GALNT12: variants seen among roughly 807,000 people sequenced by gnomAD.
GALNT12 encodes the protein polypeptide N-acetylgalactosaminyltransferase 12.
A neutral mutation model predicts 55.5 loss-of-function variants in GALNT12; 45 were observed. The observed-to-expected ratio is 0.81, with a 90% CI of 0.64 to 1.04. The LOEUF (loss-of-function observed/expected upper bound fraction) is 1.04, where lower values mean the gene tolerates loss of function less well. Ranked by LOEUF, GALNT12 falls within the 50% of genes least tolerant of loss-of-function variation. GALNT12 has a pLI of 0.00. For synonymous variants in GALNT12, 304 were observed against 312.2 expected, an observed-to-expected ratio of 0.97 and a Z score of 0.28; for missense variants, 709 against 754.8, an observed-to-expected ratio of 0.94 and a Z score of 0.71.
At chr9:98,822,473 C>T (rs1176749385) in intron 1 of GALNT12, among the ~76,000 whole-genome samples, 1 of 152,190 alleles carries the variant, frequency 6.6e-6, no homozygotes, top group Non-Finnish European at 1.5e-5. Context: ...CACTGCCAGT[C>T]AGGCCCACTG....
intron 1 of GALNT12, among the ~76,000 whole-genome samples, chr9:98,812,189 C>G (rs1023005170): frequency 6.6e-6 from 1 of 152,120 alleles, no homozygotes; most frequent in Non-Finnish European, 1.5e-5. Context: ...AGAACATGTT[C>G]AATTTCGGTT....
intron 1 of GALNT12, among the ~76,000 whole-genome samples, chr9:98,818,974 C>G (rs1351509084): frequency 6.6e-6 from 1 of 152,090 alleles, no homozygotes; most frequent in African/African-American, 2.4e-5. Flanking sequence ...CAAAATGGCT[C>G]ATTCACGTGG....
intron 8 of GALNT12, chr9:98,844,602 C>A (rs1836371295): frequency 7.2e-6 from 2 of 276,950 alleles, no homozygotes; most frequent in South Asian, 7.4e-5. Context: ...TTATAAATAA[C>A]CCTGCCTCTA....
rs557749484 is a variant in GALNT12 at position 98,818,660 on chromosome 9, A to G, written c.372-4596A>G. ...GTCGGGAACAGTTCCTCAGTCTCTC[A>G]TGGTCTGTTATGACGTTGACATTTT... On this transcript the variant is annotated intron_variant, in intron 1 of 9. Transcript: ENST00000375011. Among the ~76,000 whole-genome samples, 7 of 152,172 alleles carry G rather than the reference A, an allele frequency of 4.6e-5. No homozygotes were observed. The South Asian group carries it at 1.5e-3, about 32-fold the overall frequency.
chr9:98,835,919 A>G (rs1045221407), intron 5 of GALNT12, among the ~76,000 whole-genome samples: 1 of 152,128 alleles, frequency 6.6e-6, no homozygotes, highest in African/African-American at 2.4e-5. Flanking sequence ...TATTTTTAGT[A>G]TAGACGAGGT....
chr9:98,834,318 G>C (rs546008713), intron 4 of GALNT12, among the ~76,000 whole-genome samples: 2 of 152,084 alleles, frequency 1.3e-5, no homozygotes, highest in East Asian at 3.9e-4. Context: ...ACAGGTTTTC[G>C]CCATATTAAC....
intron 4 of GALNT12, among the ~76,000 whole-genome samples, chr9:98,834,681 C>G (rs1799334860): frequency 6.6e-6 from 1 of 152,228 alleles, no homozygotes; most frequent in Admixed American, 6.5e-5. Flanking sequence ...CCTTTAGGGC[C>G]TTCTGCATAC....
Position 98,849,851 on chromosome 9 carries a change from A to T in GALNT12, c.*759A>T. On this transcript the variant is annotated 3_prime_UTR_variant, in exon 10 of 10. Transcript: ENST00000375011. ...CATGTTTATATCATTTTTAATTTTTATGATACGGTAGTGTCAGGGAGAAAT... is the reference window on the plus strand; with the variant it reads ...CATGTTTATATCATTTTTAATTTTTTTGATACGGTAGTGTCAGGGAGAAAT... 1 of 328,768 alleles carries T rather than the reference A, an allele frequency of 3.0e-6. No homozygotes were observed. The highest frequency in any genetic ancestry group is 2.1e-5 in the African/African-American group (1 of 47,618). The allele number at this position is 328,768 out of a possible 1,614,324, so 20.4% of individuals were successfully genotyped here. A position where few individuals can be genotyped will look rare whatever the true frequency, so the allele number is the denominator to read the frequency against.
intron 1 of GALNT12, among the ~76,000 whole-genome samples, chr9:98,808,371 T>G (rs1019033498): frequency 1.3e-5 from 2 of 152,118 alleles, no homozygotes; most frequent in Non-Finnish European, 2.9e-5. Flanking sequence ...CAGAAGGGTT[T>G]AAGGCGAGGA....
intron 1 of GALNT12, among the ~76,000 whole-genome samples, chr9:98,818,389 A>AT (rs1212857871): frequency 1.3e-5 from 2 of 151,882 alleles, no homozygotes; most frequent in Non-Finnish European, 2.9e-5. Context: ...TGCCCGGCTA[A>AT]TTTTTTTGTA....
At chr9:98,808,666 G>A (rs571114073) in intron 1 of GALNT12, among the ~76,000 whole-genome samples, 1 of 152,296 alleles carries the variant, frequency 6.6e-6, no homozygotes, top group East Asian at 1.9e-4. Context: ...CCTTCTGGCC[G>A]TGATCCACCC....
At chr9:98,848,504 A>G (rs1836470112) in intron 9 of GALNT12, among the ~76,000 whole-genome samples, 1 of 152,204 alleles carries the variant, frequency 6.6e-6, no homozygotes, top group Non-Finnish European at 1.5e-5. Flanking sequence ...GCTCAGGCCA[A>G]GTGACTGGCT....
chr9:98,838,025 C>A (rs977005250), intron 6 of GALNT12, among the ~76,000 whole-genome samples: 1 of 152,306 alleles, frequency 6.6e-6, no homozygotes, highest in Middle Eastern at 3.4e-3. Context: ...TTTGGTTTTC[C>A]TCTTTGTAGC....
chr9:98,831,427 A>G (rs1242070959), intron 3 of GALNT12, among the ~76,000 whole-genome samples: 2 of 152,216 alleles, frequency 1.3e-5, no homozygotes, highest in Non-Finnish European at 2.9e-5. Flanking sequence ...GGAGATAAGT[A>G]TTTCTTGATG....
intron 1 of GALNT12, among the ~76,000 whole-genome samples, chr9:98,818,702 G>A (rs767555912): frequency 3.3e-5 from 5 of 152,060 alleles, no homozygotes; most frequent in South Asian, 2.1e-4. Flanking sequence ...GTAAAGACCC[G>A]TTGGTTTATA....
At chr9:98,830,474 G>A (rs980369950) in intron 3 of GALNT12, among the ~76,000 whole-genome samples, 2 of 152,176 alleles carry the variant, frequency 1.3e-5, no homozygotes, top group African/African-American at 4.8e-5. Context: ...CTCCAGCCAC[G>A]ACTGGGAGTC....
chr9:98,842,556 CT>C (rs1403954443), intron 7 of GALNT12, among the ~76,000 whole-genome samples: 1 of 152,124 alleles, frequency 6.6e-6, no homozygotes, highest in African/African-American at 2.4e-5. Context: ...ATTTTGGCTT[CT>C]GAGGTCTTTG....
At chr9:98,836,081 C>T (rs1049520828) in intron 5 of GALNT12, among the ~76,000 whole-genome samples, 4 of 152,186 alleles carry the variant, frequency 2.6e-5, no homozygotes, top group African/African-American at 9.7e-5. Context: ...AAGACAGATT[C>T]ACAAGCACAA....
Position 98,848,293 on chromosome 9 carries a change from C to T in GALNT12, c.1606-659C>T, listed in dbSNP as rs989938261. On this transcript the variant is annotated intron_variant, in intron 9 of 9. Coordinates refer to ENST00000375011, the MANE Select transcript of GALNT12 (RefSeq NM_024642.5). The stretch of plus-strand genomic sequence containing the variant: ...TTTGCTGCTCAGCCATGATTAAGTT[C>T]GTTGCATACAGCTTATAACAGAGAG... Among the ~76,000 whole-genome samples, 22 of 152,068 alleles carry T rather than the reference C, an allele frequency of 1.4e-4. 1 individual carries two copies. The highest frequency in any genetic ancestry group is 5.2e-4 in the Admixed American group (8 of 15,274).
Sources: allele counts gnomAD v4.1 joint callset (sites outside exome capture counted in the v4.1 genomes callset), GRCh38; gene constraint gnomAD v4.1.1; transcripts MANE v1.5; gene names NCBI Gene and HGNC (gene_info 2026-07-23, HGNC 2026-07-21).